PCSK5: variants seen among roughly 807,000 people sequenced by gnomAD.
PCSK5 encodes prohormone convertase 5.
Under a neutral mutation model 233.2 loss-of-function variants are expected in PCSK5, and 129 were observed. That is an observed-to-expected ratio of 0.55 (90% CI 0.48 to 0.64). The LOEUF is 0.64. Among genes scored for constraint, PCSK5 ranks in the 30% least tolerant of loss-of-function variants. The pLI, the probability that PCSK5 is intolerant of heterozygous loss-of-function variation, is 0.00. For missense variants in PCSK5, 2,076 were observed against 2,430.1 expected (o/e 0.85, Z 3.06); for synonymous variants, 825 against 879.2 (o/e 0.94, Z 1.09).
intron 24 of PCSK5, among the ~76,000 whole-genome samples, chr9:76,291,611 C>T (rs1437519878): frequency 6.6e-6 from 1 of 152,164 alleles, no homozygotes; most frequent in African/African-American, 2.4e-5. Context: ...CTCTCAAAAT[C>T]TTTTCTCTCT....
intron 2 of PCSK5, among the ~76,000 whole-genome samples, chr9:75,960,321 A>G (rs1825292571): frequency 6.6e-6 from 1 of 152,214 alleles, no homozygotes; most frequent in Non-Finnish European, 1.5e-5. Context: ...CTTGGAAGGA[A>G]TAGGATTAGT....
At chr9:76,066,191 G>A (rs1248636363) in intron 5 of PCSK5, among the ~76,000 whole-genome samples, 3 of 152,136 alleles carry the variant, frequency 2.0e-5, no homozygotes, top group East Asian at 1.9e-4. Context: ...ATTTTGATAG[G>A]GATTGCATTG....
intron 5 of PCSK5, among the ~76,000 whole-genome samples, chr9:76,042,579 C>T (rs1024964679): frequency 1.8e-4 from 27 of 152,156 alleles, no homozygotes; most frequent in Admixed American, 1.6e-3. Flanking sequence ...TAGCTTGAAC[C>T]TGGGAGGTGG....
intron 30 of PCSK5, among the ~76,000 whole-genome samples, chr9:76,312,149 T>A (rs1828881046): frequency 6.6e-6 from 1 of 152,216 alleles, no homozygotes; most frequent in Non-Finnish European, 1.5e-5. Flanking sequence ...CGGAAGTAAC[T>A]GACAGTGTCT....
intron 24 of PCSK5, among the ~76,000 whole-genome samples, chr9:76,283,268 C>T (rs1362412295): frequency 1.3e-5 from 2 of 152,164 alleles, no homozygotes; most frequent in African/African-American, 2.4e-5. Flanking sequence ...GCATCACATG[C>T]TACAGAGAAA....
chr9:76,164,314 G>T (rs996094581), intron 12 of PCSK5, among the ~76,000 whole-genome samples: 14 of 152,062 alleles, frequency 9.2e-5, no homozygotes, highest in African/African-American at 3.4e-4. Context: ...GACAGAGCTG[G>T]GTTTTTCTTG....
At chr9:75,936,196 G>A (rs1333037499) in intron 2 of PCSK5, among the ~76,000 whole-genome samples, 3 of 152,130 alleles carry the variant, frequency 2.0e-5, no homozygotes, top group African/African-American at 7.2e-5. Flanking sequence ...GCTAGTGGAG[G>A]GTTTTGCCTC....
intron 3 of PCSK5, among the ~76,000 whole-genome samples, chr9:76,017,488 T>C (rs977290525): frequency 6.6e-5 from 10 of 152,334 alleles, no homozygotes; most frequent in Admixed American, 4.6e-4. Context: ...TTATAGCAAT[T>C]ATCTGTGTTC....
rs374904965 is a variant in PCSK5 at position 76,045,023 on chromosome 9, A to G, written c.632+17986A>G. On this transcript the variant is annotated intron_variant, in intron 5 of 37. Coordinates refer to ENST00000674117, the MANE Select transcript of PCSK5 (RefSeq NM_001372043.1). ...GTCTATTCCTTCTCTGAAAATCACC[A>G]TGTTTCTTTCCTCATACATTTGCTA... is the stretch of plus-strand genomic sequence containing the variant. 1.3e-3 allele frequency among the ~76,000 whole-genome samples: 204 copies of G among 152,294 alleles called. 7 individuals carry two copies. In the South Asian group the frequency reaches 0.038, roughly 28 times the overall value.
chr9:75,967,043 A>T (rs1038061929), intron 2 of PCSK5, among the ~76,000 whole-genome samples: 3 of 150,968 alleles, frequency 2.0e-5, no homozygotes, highest in Non-Finnish European at 4.4e-5. Flanking sequence ...CTTGAATCTT[A>T]CTGCAAATAC....
intron 24 of PCSK5, among the ~76,000 whole-genome samples, chr9:76,243,812 C>T: frequency 6.6e-6 from 1 of 152,110 alleles, no homozygotes; most frequent in East Asian, 1.9e-4. Context: ...GAGAATTGCC[C>T]AAATTCAAAG....
chr9:75,903,056 T>A (rs1402879539), intron 1 of PCSK5, among the ~76,000 whole-genome samples: 1 of 152,250 alleles, frequency 6.6e-6, no homozygotes, highest in Non-Finnish European at 1.5e-5. Flanking sequence ...ACTTTCCATC[T>A]CAGTATTATA....
intron 3 of PCSK5, among the ~76,000 whole-genome samples, chr9:76,001,143 C>T (rs746220084): frequency 1.3e-5 from 2 of 152,136 alleles, no homozygotes; most frequent in African/African-American, 2.4e-5. Context: ...ATTCTGTTCT[C>T]AGTGTCACCA....
intron 24 of PCSK5, among the ~76,000 whole-genome samples, chr9:76,273,494 C>T (rs888736214): frequency 7.3e-5 from 11 of 150,428 alleles, no homozygotes; most frequent in African/African-American, 2.7e-4. Flanking sequence ...CCTGGGCTAA[C>T]AGCTGTTTGC....
chr9:75,891,723 T>C (rs1356888977), intron 1 of PCSK5, among the ~76,000 whole-genome samples: 1 of 150,278 alleles, frequency 6.7e-6, no homozygotes, highest in Non-Finnish European at 1.5e-5. Context: ...TCTGAGGCAG[T>C]CTCAGAGAGG....
At chr9:76,256,029 A>G (rs1826971584) in intron 24 of PCSK5, among the ~76,000 whole-genome samples, 1 of 152,056 alleles carries the variant, frequency 6.6e-6, no homozygotes, top group African/African-American at 2.4e-5. Flanking sequence ...CTCATACACT[A>G]TTTTCCTAAA....
Position 75,896,779 on chromosome 9 carries a change from T to C in PCSK5, c.192+5406T>C, listed in dbSNP as rs540617542. On this transcript the variant is annotated intron_variant, in intron 1 of 37. Coordinates refer to ENST00000674117, the MANE Select transcript of PCSK5 (RefSeq NM_001372043.1). The stretch of plus-strand genomic sequence containing the variant: ...TATGTATGTGTGTAATATATGTACA[T>C]ATGCACAGCATATATATGTCAATTT... 7.9e-4 allele frequency among the ~76,000 whole-genome samples: 120 copies of C among 152,342 alleles called. 1 individual carries two copies. The highest frequency in any genetic ancestry group is 2.8e-3 in the African/African-American group (115 of 41,578).
At chr9:76,004,255 GT>G (rs370211027) in intron 3 of PCSK5, among the ~76,000 whole-genome samples, 1,780 of 144,848 alleles carry the variant, frequency 0.012, 19 homozygotes, top group Non-Finnish European at 0.017. Flanking sequence ...TTTCTTTGAT[GT>G]TTTTTTTTTC....
intron 2 of PCSK5, among the ~76,000 whole-genome samples, chr9:75,980,099 A>G (rs1477080535): frequency 6.6e-6 from 1 of 152,252 alleles, no homozygotes; most frequent in Admixed American, 6.5e-5. Flanking sequence ...ACAAGCAACA[A>G]ATAGGAAAAT....
Sources: allele counts gnomAD v4.1 joint callset (sites outside exome capture counted in the v4.1 genomes callset), GRCh38; gene constraint gnomAD v4.1.1; transcripts MANE v1.5; gene names NCBI Gene and HGNC (gene_info 2026-07-23, HGNC 2026-07-21).